Variants in PTPRQ observed in about 807,000 individuals in gnomAD.
PTPRQ encodes protein tyrosine phosphatase receptor type Q, also known as phosphatidylinositol phosphatase PTPRQ.
A neutral mutation model predicts 246.0 loss-of-function variants in PTPRQ; 199 were observed. That is an observed-to-expected ratio of 0.81 (90% CI 0.72 to 0.91). PTPRQ has a LOEUF of 0.91. Ranked by LOEUF, PTPRQ falls within the 40% of genes least tolerant of loss-of-function variation. PTPRQ has a pLI of 0.00. For missense variants in PTPRQ, 2,624 were observed against 2,528.4 expected (o/e 1.04, Z -0.81); for synonymous variants, 869 against 853.2 (o/e 1.02, Z -0.32).
chr12:80,541,702 C>G lies in PTPRQ; in HGVS notation c.3302C>G (p.Pro1101Arg), dbSNP rs1216576941. ...ILQQTPRHVR[P>R]PLVTYERSIY... ...CAGCAGACTCCTCGCCATGTGAGACCACCTCTTGTTACATATGAGAGAAGC... is the reference window on the plus strand; with the variant it reads ...CAGCAGACTCCTCGCCATGTGAGACGACCTCTTGTTACATATGAGAGAAGC... Residue 1101 changes from proline (P) to arginine (R), a missense_variant, in exon 21 of 45, where the codon CCA (proline) becomes CGA (arginine). Coordinates refer to ENST00000644991, the MANE Select transcript of PTPRQ (RefSeq NM_001145026.2). 1.3e-6 allele frequency: 2 copies of G among 1,551,268 alleles called. No homozygotes were observed. The highest frequency in any genetic ancestry group is 1.7e-6 in the Non-Finnish European group (2 of 1,146,698).
chr12:80,614,075 C>A (rs758770339), intron 29 of PTPRQ, among the ~76,000 whole-genome samples: 1 of 149,470 alleles, frequency 6.7e-6, no homozygotes, highest in Non-Finnish European at 1.5e-5. Flanking sequence ...ATAGTAGAAA[C>A]TCAGACATAA....
chr12:80,483,455 A>T, intron 8 of PTPRQ, among the ~76,000 whole-genome samples: 1 of 150,360 alleles, frequency 6.7e-6, no homozygotes, highest in Non-Finnish European at 1.5e-5. Flanking sequence ...GCAGCGCACC[A>T]GCGTGGCACA....
At chr12:80,465,139 T>G (rs1345507527) in intron 6 of PTPRQ, 1 of 142,020 alleles carries the variant, frequency 7.0e-6, no homozygotes, top group Non-Finnish European at 1.5e-5. Flanking sequence ...GAGAGAAGAA[T>G]CAAATAGATG....
Position 80,613,829 on chromosome 12 carries a change from A to G in PTPRQ, c.5156A>G (p.Asn1719Ser), listed in dbSNP as rs1452248109. The G allele has an allele frequency of 1.3e-6, 2 of 1,525,212 alleles. No individual in the cohort carries two copies. The highest frequency in any genetic ancestry group is 8.8e-7 in the Non-Finnish European group (1 of 1,134,308). 94.5% of individuals were successfully genotyped at this position (1,525,212 alleles called of 1,614,324 possible). ...LEGLKGGHTY[N>S]ISVYAVNSAG... is the part of the protein sequence containing the mutation. ...GGACTAAAAGGTGGACATACATACA[A>G]TATCAGTGTAAGAATCCGTAGCTTC... The change falls in exon 29 of 45, where the codon AAT (asparagine) becomes AGT (serine). Residue 1719 changes from asparagine to serine, a missense_variant. By Grantham distance (46) the Asn-to-Ser change is conservative. Transcript: ENST00000644991.
intron 30 of PTPRQ, among the ~76,000 whole-genome samples, chr12:80,618,362 A>T (rs1345567914): frequency 2.7e-5 from 2 of 74,458 alleles, no homozygotes; most frequent in Admixed American, 1.2e-4. Flanking sequence ...CACTACATTC[A>T]CACACACACA....
At position 80,546,611 on chromosome 12, in the gene PTPRQ, C is replaced by T. The variant is rs1170285261; in HGVS notation, c.3929C>T (p.Thr1310Ile). Residue 1310 changes from threonine (T) to isoleucine (I), a missense_variant, in exon 24 of 45, where the codon ACC becomes ATC. Physicochemically the swap from Thr to Ile is moderately conservative, Grantham distance 89. Coordinates refer to ENST00000644991, the MANE Select transcript of PTPRQ (RefSeq NM_001145026.2). Reference sequence around the variant, plus strand: ...CTTGTTGGACTGGAACCAGTCAGCACCTACTCTATCCGTGTATCTGCGTTC... The same window carrying T: ...CTTGTTGGACTGGAACCAGTCAGCATCTACTCTATCCGTGTATCTGCGTTC... ...AKLVGLEPVSTYSIRVSAFTK... is the reference protein window; with the variant it reads ...AKLVGLEPVSIYSIRVSAFTK... 6.4e-7 allele frequency: 1 copy of T among 1,551,218 alleles called. No homozygotes were observed. Among genetic ancestry groups the T allele is most frequent in the Non-Finnish European group, 8.7e-7 (1 of 1,146,812 alleles).
intron 3 of PTPRQ, among the ~76,000 whole-genome samples, chr12:80,453,201 T>C (rs569355041): frequency 3.9e-5 from 6 of 152,352 alleles, no homozygotes; most frequent in Non-Finnish European, 8.8e-5. Flanking sequence ...TTTCGAGCCT[T>C]GGCTTTCAGC....
intron 37 of PTPRQ, among the ~76,000 whole-genome samples, chr12:80,650,372 G>T (rs1900217703): frequency 1.3e-5 from 2 of 151,396 alleles, no homozygotes; most frequent in South Asian, 4.2e-4. Flanking sequence ...AAAACATAAG[G>T]TAGATATCAA....
At chr12:80,662,027 A>C (rs1227606827) in intron 39 of PTPRQ, among the ~76,000 whole-genome samples, 4 of 151,944 alleles carry the variant, frequency 2.6e-5, no homozygotes, top group Admixed American at 6.6e-5. Flanking sequence ...AGGCCTATAC[A>C]TTGTTTTCAT....
intron 24 of PTPRQ, among the ~76,000 whole-genome samples, chr12:80,547,482 G>A (rs1896341620): frequency 1.3e-5 from 2 of 151,908 alleles, no homozygotes; most frequent in Non-Finnish European, 2.9e-5. Context: ...TCTTTAAATC[G>A]AGATTGTAGA....
At chr12:80,532,285 C>T (rs1021709483) in intron 17 of PTPRQ, among the ~76,000 whole-genome samples, 5 of 151,544 alleles carry the variant, frequency 3.3e-5, no homozygotes, top group East Asian at 1.9e-4. Context: ...GTGCAGTTGC[C>T]GATATTGGCT....
intron 6 of PTPRQ, among the ~76,000 whole-genome samples, chr12:80,466,843 T>C (rs1176876398): frequency 3.3e-5 from 5 of 152,070 alleles, no homozygotes; most frequent in Non-Finnish European, 7.4e-5. Flanking sequence ...TTATACCTTA[T>C]ACAAAAATCA....
intron 28 of PTPRQ, among the ~76,000 whole-genome samples, chr12:80,610,941 C>T (rs1249743920): frequency 6.7e-6 from 1 of 150,296 alleles, no homozygotes. Context: ...GATAATATTT[C>T]CAACTGTCTA....
chr12:80,542,230 C>A lies in PTPRQ; in HGVS notation c.3587C>A (p.Ser1196Tyr). The A allele has an allele frequency of 6.4e-7, 1 of 1,550,644 alleles. No homozygotes were observed. The highest frequency in any genetic ancestry group is 2.4e-5 in the East Asian group (1 of 40,844). The change falls in exon 22 of 45, where the codon TCT becomes TAT. Residue 1196 changes from serine (S) to tyrosine (Y), a missense_variant. Transcript: ENST00000644991. ...TTACAAGGACCAAATGAAAATTATTCTTTCATTACTTCTGATAATTACATA... is the reference window on the plus strand; with the variant it reads ...TTACAAGGACCAAATGAAAATTATTATTTCATTACTTCTGATAATTACATA... ...LTLQGPNENY[S>Y]FITSDNYIIL...
chr12:80,549,473 G>A lies in PTPRQ; in HGVS notation c.4024G>A (p.Val1342Ile), dbSNP rs1896404027. The A allele has an allele frequency of 3.9e-6, 6 of 1,545,784 alleles. No individual in the cohort carries two copies. The highest frequency in any genetic ancestry group is 5.2e-6 in the Non-Finnish European group (6 of 1,143,418). The change falls in exon 25 of 45, where the codon GTC (valine) becomes ATC (isoleucine). Residue 1342 changes from valine (V) to isoleucine (I), a missense_variant. Val to Ile is a conservative substitution (Grantham distance 29, BLOSUM62 3). Transcript: ENST00000644991. Reference protein sequence around the residue: ...KFTTQESVPDVVQNMQCMATS... With the variant: ...KFTTQESVPDIVQNMQCMATS... ...TATGTTTATCTCTTAAGTTCCAGAT[G>A]TCGTGCAGAATATGCAGTGCATGGC...
At chr12:80,599,402 T>A (rs965160520) in intron 26 of PTPRQ, among the ~76,000 whole-genome samples, 2 of 151,936 alleles carry the variant, frequency 1.3e-5, no homozygotes, top group Non-Finnish European at 2.9e-5. Flanking sequence ...CAAACAATCC[T>A]AAATCAGAAT....
intron 33 of PTPRQ, among the ~76,000 whole-genome samples, chr12:80,623,845 A>T (rs1899091528): frequency 6.6e-6 from 1 of 152,064 alleles, no homozygotes; most frequent in African/African-American, 2.4e-5. Context: ...AAGCTATAAA[A>T]GGGGGGGAGC....
chr12:80,481,949 C>T (rs1894078255), intron 8 of PTPRQ, among the ~76,000 whole-genome samples: 1 of 138,724 alleles, frequency 7.2e-6, no homozygotes, highest in African/African-American at 2.8e-5. Flanking sequence ...GGCCATACTG[C>T]CCAAGGTAAT....
Position 80,670,415 on chromosome 12 carries a change from C to T in PTPRQ, c.6525C>T (p.Ser2175=), listed in dbSNP as rs1468676439. The T allele has an allele frequency of 6.4e-6, 10 of 1,551,034 alleles. No homozygotes were observed. Among genetic ancestry groups the T allele is most frequent in the Middle Eastern group, 1.7e-4 (1 of 6,008 alleles). ...AWPEHGVPEN[S]APLIHFVKLV... ...CAGAGCATGGGGTTCCTGAGAACAG[C>T]GCCCCTCTAATTCACTTTGTGAAGT... The change falls in exon 42 of 45, where the codon AGC becomes AGT. Residue 2175 remains serine, a synonymous_variant. Transcript: ENST00000644991.
Sources: gnomAD v4.1 joint callset for allele counts (sites outside exome capture counted in the v4.1 genomes callset) on GRCh38, gnomAD v4.1.1 for gene constraint, MANE v1.5 for transcripts, NCBI Gene and HGNC (gene_info 2026-07-23, HGNC 2026-07-21) for gene names.